CRISPLD1: variants seen among roughly 807,000 people sequenced by gnomAD.
CRISPLD1 encodes cysteine rich secretory protein LCCL domain containing 1.
Under a neutral mutation model 77.5 loss-of-function variants are expected in CRISPLD1, and 60 were observed. The observed-to-expected ratio is 0.77, with a 90% CI of 0.63 to 0.96. The LOEUF (loss-of-function observed/expected upper bound fraction) is 0.96. Among genes scored for constraint, CRISPLD1 ranks in the 40% least tolerant of loss-of-function variants. The probability of loss-of-function intolerance (pLI) is 0.00; values close to 1 mark genes in which losing one functional copy is unlikely to be tolerated. For missense variants in CRISPLD1, 623 were observed against 615.8 expected, an observed-to-expected ratio of 1.01 and a Z score of -0.12; for synonymous variants, 195 against 200.1, an observed-to-expected ratio of 0.97 and a Z score of 0.22.
intron 2 of CRISPLD1, among the ~76,000 whole-genome samples, chr8:75,003,558 C>G (rs1056412919): frequency 2.0e-5 from 3 of 151,862 alleles, no homozygotes; most frequent in Non-Finnish European, 4.4e-5. Flanking sequence ...TAGATCAATC[C>G]TGCATCTATA....
intron 1 of CRISPLD1, among the ~76,000 whole-genome samples, chr8:74,985,144 G>C (rs1587001153): frequency 6.6e-6 from 1 of 152,184 alleles, no homozygotes; most frequent in East Asian, 1.9e-4. Context: ...TCTCTGTCGC[G>C]CGCTTTCCAT....
At chr8:75,013,435 A>T (rs1812970781) in intron 4 of CRISPLD1, among the ~76,000 whole-genome samples, 1 of 152,096 alleles carries the variant, frequency 6.6e-6, no homozygotes, top group South Asian at 2.1e-4. Flanking sequence ...TAAACTTCCA[A>T]ATCAAACAAC....
chr8:74,998,786 A>T (rs531467845), intron 2 of CRISPLD1, among the ~76,000 whole-genome samples: 51 of 151,858 alleles, frequency 3.4e-4, no homozygotes, highest in African/African-American at 1.2e-3. Flanking sequence ...AGAGATTTAA[A>T]GTAGTGGTTT....
At chr8:74,992,907 T>C (rs917339923) in intron 2 of CRISPLD1, among the ~76,000 whole-genome samples, 1 of 141,738 alleles carries the variant, frequency 7.1e-6, no homozygotes. Context: ...AAATTATGGT[T>C]TTTTTTTTTT....
intron 2 of CRISPLD1, among the ~76,000 whole-genome samples, chr8:74,990,643 AC>A (rs10715623): frequency 0.12 from 18,823 of 151,862 alleles, 1,706 homozygotes; most frequent in African/African-American, 0.25. Context: ...CAGATATAAT[AC>A]TGCACACTGC....
chr8:75,032,502 T>C lies in CRISPLD1; in HGVS notation c.*260T>C. On this transcript the variant is annotated 3_prime_UTR_variant, in exon 15 of 15. Transcript: ENST00000262207. Reference sequence around the variant, plus strand: ...ATTTTCTTAGCAGTTATTTCTACAGTTAATTACATAGTCATGATTGTTCTA... The same window carrying C: ...ATTTTCTTAGCAGTTATTTCTACAGCTAATTACATAGTCATGATTGTTCTA... The C allele has an allele frequency of 3.2e-6, 1 of 307,900 alleles. No individual in the cohort carries two copies. The highest frequency in any genetic ancestry group is 9.4e-4 in the Middle Eastern group (1 of 1,066). 19.1% of individuals were successfully genotyped at this position (307,900 alleles called of 1,614,324 possible). A position where few individuals can be genotyped will look rare whatever the true frequency, so the allele number is the denominator to read the frequency against.
In CRISPLD1 at chr8:75,034,170, CCAAA is replaced by C. The variant is rs1299208008; in HGVS notation, c.*1931_*1934del. The C allele has an allele frequency of 2.0e-5, 3 of 152,044 alleles. No homozygotes were observed. The highest frequency in any genetic ancestry group is 2.1e-4 in the South Asian group (1 of 4,830). 9.4% of individuals were successfully genotyped at this position (152,044 alleles called of 1,614,324 possible). ...ATGAGTTTTCATTGCTGAAGAAAAA[CCAAA>C]CATTCTTGTAAAAACATTTAAGAAC... is the stretch of plus-strand genomic sequence containing the variant. On this transcript the variant is annotated 3_prime_UTR_variant, in exon 15 of 15. Coordinates refer to ENST00000262207, the MANE Select transcript of CRISPLD1 (RefSeq NM_031461.6).
At chr8:75,024,131 A>G (rs995849742) in intron 12 of CRISPLD1, among the ~76,000 whole-genome samples, 3 of 152,156 alleles carry the variant, frequency 2.0e-5, no homozygotes, top group Admixed American at 6.5e-5. Context: ...AGGAATAACC[A>G]TTAGGCCCAT....
At chr8:74,997,945 A>G (rs1477927922) in intron 2 of CRISPLD1, among the ~76,000 whole-genome samples, 3 of 152,198 alleles carry the variant, frequency 2.0e-5, no homozygotes, top group Non-Finnish European at 4.4e-5. Flanking sequence ...AGAAGTAACT[A>G]TCTCAAGATG....
At chr8:75,000,432 C>G in intron 2 of CRISPLD1, 1 of 984,912 alleles carries the variant, frequency 1.0e-6, no homozygotes, top group Non-Finnish European at 1.2e-6. Context: ...TGAACAAATA[C>G]AAAGCAGTGC....
chr8:75,016,333 A>G (rs1405121438), intron 6 of CRISPLD1, among the ~76,000 whole-genome samples: 2 of 152,170 alleles, frequency 1.3e-5, no homozygotes, highest in Admixed American at 1.3e-4. Context: ...GCTTCATTGA[A>G]TATTAGTCGA....
intron 1 of CRISPLD1, among the ~76,000 whole-genome samples, chr8:74,985,254 TAGTC>T (rs1587001220): frequency 6.6e-6 from 1 of 152,150 alleles, no homozygotes; most frequent in African/African-American, 2.4e-5. Flanking sequence ...GGCCACAGAT[TAGTC>T]ACAGACTTTC....
intron 2 of CRISPLD1, among the ~76,000 whole-genome samples, chr8:75,007,273 CTG>C (rs1450195889): frequency 1.3e-5 from 2 of 152,030 alleles, no homozygotes; most frequent in Non-Finnish European, 2.9e-5. Flanking sequence ...GAGAAAAAAA[CTG>C]TGTCAAAGAG....
At chr8:75,013,772 CCAGA>C (rs910734294) in intron 4 of CRISPLD1, among the ~76,000 whole-genome samples, 5 of 152,066 alleles carry the variant, frequency 3.3e-5, no homozygotes, top group South Asian at 2.1e-4. Flanking sequence ...CATTTTATAA[CCAGA>C]CACAGTTATT....
intron 2 of CRISPLD1, among the ~76,000 whole-genome samples, chr8:74,990,651 C>G (rs1373104363): frequency 6.6e-6 from 1 of 151,896 alleles, no homozygotes; most frequent in African/African-American, 2.4e-5. Flanking sequence ...ATACTGCACA[C>G]TGCAAGTGTC....
chr8:74,997,892 T>G (rs1313666241), intron 2 of CRISPLD1, among the ~76,000 whole-genome samples: 1 of 152,300 alleles, frequency 6.6e-6, no homozygotes, highest in East Asian at 1.9e-4. Flanking sequence ...TGCTCAGAAG[T>G]CTTGTTAAGC....
intron 14 of CRISPLD1, among the ~76,000 whole-genome samples, chr8:75,030,265 G>T (rs1418632897): frequency 6.6e-6 from 1 of 152,136 alleles, no homozygotes; most frequent in Admixed American, 6.6e-5. Context: ...GTCATACGGG[G>T]TATCTAGATT....
chr8:75,031,809 A>C (rs1457877215), intron 14 of CRISPLD1, among the ~76,000 whole-genome samples: 4 of 152,002 alleles, frequency 2.6e-5, no homozygotes, highest in Non-Finnish European at 1.5e-5. Flanking sequence ...GTAACCGTGC[A>C]TATCAGTTGT....
At chr8:74,999,153 G>A (rs1812694565) in intron 2 of CRISPLD1, among the ~76,000 whole-genome samples, 1 of 152,018 alleles carries the variant, frequency 6.6e-6, no homozygotes, top group East Asian at 1.9e-4. Context: ...ATCTGGCAAA[G>A]GTTACTTTTT....
Sources: gnomAD v4.1 joint callset for allele counts (sites outside exome capture counted in the v4.1 genomes callset) on GRCh38, gnomAD v4.1.1 for gene constraint, MANE v1.5 for transcripts, NCBI Gene and HGNC (gene_info 2026-07-23, HGNC 2026-07-21) for gene names.